The following BAP1 variants were observed in gnomAD, a reference collection of about 807,000 sequenced individuals.
The protein encoded by BAP1 is ubiquitin carboxyl-terminal hydrolase BAP1.
BAP1 carries 16 observed loss-of-function variants against 77.2 expected under a neutral mutation model. The ratio of observed to expected loss-of-function variants is 0.21; its 90% CI spans 0.14 to 0.31. The LOEUF is 0.31. BAP1 is among the 10% of genes least tolerant of loss of function. The pLI is 1.00. For missense variants in BAP1, 699 were observed against 967.3 expected (o/e 0.72, Z 3.68); for synonymous variants, 362 against 385.2 (o/e 0.94, Z 0.71).
In BAP1 at chr3:52,406,409, C is replaced by T. The variant is rs2153227526; in HGVS notation, c.660-33G>A. On this transcript the variant is annotated intron_variant, in intron 8 of 16. Transcript: ENST00000460680. This position sits in a 1 kb window ranked among gnomAD's most constrained non-coding sequence, Gnocchi z 4.6. The stretch of plus-strand genomic sequence containing the variant: ...CACAGCCGCAGCCGTGAGAGCAGCT[C>T]CCGCCCCGGCCCCGCCATCAGGTTG... 7 of 1,610,556 alleles carry T rather than the reference C, an allele frequency of 4.3e-6. No individual in the cohort carries two copies. The highest frequency in any genetic ancestry group is 5.1e-6 in the Non-Finnish European group (6 of 1,179,874).
At position 52,402,889 on chromosome 3, in the gene BAP1, T is replaced by C. The variant is rs1047061800; in HGVS notation, c.1891-18A>G. 1 of 1,614,034 alleles carries C rather than the reference T, an allele frequency of 6.2e-7. No homozygotes were observed. The highest frequency in any genetic ancestry group is 8.5e-7 in the Non-Finnish European group (1 of 1,180,016). The stretch of plus-strand genomic sequence containing the variant: ...AGCAGCTCCTGCCAAAACCCAGCAT[T>C]GCACCTCTGATCGGGGCGGGCCAGC... On this transcript the variant is annotated intron_variant, in intron 14 of 16. Coordinates refer to ENST00000460680, the MANE Select transcript of BAP1 (RefSeq NM_004656.4). This position sits in a 1 kb window ranked among gnomAD's most constrained non-coding sequence, Gnocchi z 5.3.
At chr3:52,408,386 T>C (rs2153228220) in intron 4 of BAP1, 88 bp downstream of exon 4, 1 of 1,550,948 alleles carries the variant, frequency 6.4e-7, no homozygotes, top group Non-Finnish European at 8.8e-7. Flanking sequence ...TCTGCCTATC[T>C]CCTCCTCCTG....
rs2153226268 is a variant in BAP1, at chr3:52,402,755, C to T, written c.1983+24G>A. ...CAGTGGACCTCGGGAGAGGCCAGAT[C>T]AGGCAACTGGAGAAATCACCCACCT... On this transcript the variant is annotated intron_variant, in intron 15 of 16. Transcript: ENST00000460680. The surrounding 1 kb of genome is among the most constrained non-coding windows in gnomAD (Gnocchi z 5.3). The T allele has an allele frequency of 6.2e-7, 1 of 1,614,216 alleles. No individual in the cohort carries two copies. Among genetic ancestry groups the T allele is most frequent in the South Asian group, 1.1e-5 (1 of 91,070 alleles).
At position 52,402,091 on chromosome 3, in the gene BAP1, G is replaced by T; in HGVS notation, c.*197C>A. On this transcript the variant is annotated 3_prime_UTR_variant, in exon 17 of 17. Coordinates refer to ENST00000460680, the MANE Select transcript of BAP1 (RefSeq NM_004656.4). The surrounding 1 kb of genome is among the most constrained non-coding windows in gnomAD (Gnocchi z 5.3). ...CCCAACTCCAGATGCTGCCTCCTGA[G>T]CACTATGGGGCTGATCTGCCGTGTC... The T allele has an allele frequency of 1.1e-6, 1 of 923,990 alleles. No individual in the cohort carries two copies. Among genetic ancestry groups the T allele is most frequent in the South Asian group, 1.7e-5 (1 of 58,010 alleles). 57.2% of individuals were successfully genotyped at this position (923,990 alleles called of 1,614,324 possible).
Position 52,402,525 on chromosome 3 carries a change from A to G in BAP1, c.2056+77T>C. The G allele has an allele frequency of 6.2e-7, 1 of 1,611,614 alleles. No individual in the cohort carries two copies. The highest frequency in any genetic ancestry group is 8.5e-7 in the Non-Finnish European group (1 of 1,178,402). ...CCCCAAGGTCTGCTCAAGCCTCAGG[A>G]GAGGCCAGGGGAGGGGAGCTGAAGG... On this transcript the variant is annotated intron_variant, in intron 16 of 16. Coordinates refer to ENST00000460680, the MANE Select transcript of BAP1 (RefSeq NM_004656.4). The surrounding 1 kb of genome is among the most constrained non-coding windows in gnomAD (Gnocchi z 5.3).
chr3:52,407,591 A>G (rs1705208457), intron 5 of BAP1, 131 bp from the exon 6 acceptor site: 1 of 1,295,488 alleles, frequency 7.7e-7, no homozygotes, highest in African/African-American at 1.5e-5. Context: ...AACTTTCTTA[A>G]AAGGCTGGTG....
Position 52,409,892 on chromosome 3 carries a change from G to A in BAP1, c.-14C>T. On this transcript the variant is annotated 5_prime_UTR_variant, in exon 1 of 17. Coordinates refer to ENST00000460680, the MANE Select transcript of BAP1 (RefSeq NM_004656.4). ...GCCCTTATTCATCTTCCCGCGGGGC[G>A]GCCCCTCAGCGCCATGTCCAGGCCC... 4 of 1,605,454 alleles carry A rather than the reference G, an allele frequency of 2.5e-6. No homozygotes were observed. Among genetic ancestry groups the A allele is most frequent in the East Asian group, 4.5e-5 (2 of 44,854 alleles).
chr3:52,404,475 GCACGTCATCCTC>G lies in BAP1; in HGVS notation c.1216_1227del (p.Glu406_Val409del), dbSNP rs747249873. The G allele has an allele frequency of 6.2e-7, 1 of 1,614,208 alleles. No individual in the cohort carries two copies. The highest frequency in any genetic ancestry group is 1.7e-5 in the Admixed American group (1 of 60,020). On this transcript the variant is annotated inframe_deletion, in exon 12 of 17. Coordinates refer to ENST00000460680, the MANE Select transcript of BAP1 (RefSeq NM_004656.4). Reference sequence around the variant, plus strand: ...GACCTAAGGGCAGAGTTGGTGTTCTGCACGTCATCCTCCTCGTCATCCTCATAGTCATCCTCA... The same window carrying G: ...GACCTAAGGGCAGAGTTGGTGTTCTGCTCGTCATCCTCATAGTCATCCTCA...
chr3:52,404,270 C>G (rs913850971), intron 12 of BAP1, among the ~76,000 whole-genome samples, 183 bp downstream of exon 12: 2 of 152,244 alleles, frequency 1.3e-5, no homozygotes, highest in African/African-American at 4.8e-5. Context: ...GCCTTACCCC[C>G]CAGCCCACCA....
chr3:52,408,816 A>C (rs1705251175), intron 3 of BAP1, among the ~76,000 whole-genome samples: 1 of 152,212 alleles, frequency 6.6e-6, no homozygotes, highest in African/African-American at 2.4e-5. Context: ...AGCAAAGCAT[A>C]AGCCTCTGAC....
intron 11 of BAP1, among the ~76,000 whole-genome samples, chr3:52,404,863 T>A (rs564123701): frequency 6.6e-6 from 1 of 152,160 alleles, no homozygotes; most frequent in African/African-American, 2.4e-5. Context: ...CCAAGGAGCG[T>A]GACCTAAACA....
intron 5 of BAP1, 65 bp downstream of exon 5, chr3:52,407,893 C>T: frequency 6.2e-7 from 1 of 1,608,842 alleles, no homozygotes; most frequent in Non-Finnish European, 8.5e-7. Context: ...GTAGCATTCC[C>T]AGTGGCCCTC....
Position 52,403,823 on chromosome 3 carries a change from T to C in BAP1, c.1322A>G (p.Gln441Arg), listed in dbSNP as rs769038290. The C allele has an allele frequency of 6.2e-7, 1 of 1,614,128 alleles. No homozygotes were observed. Among genetic ancestry groups the C allele is most frequent in the Admixed American group, 1.7e-5 (1 of 60,024 alleles). The change falls in exon 13 of 17, where the codon CAG (glutamine) becomes CGG (arginine). Residue 441 changes from glutamine (Q) to arginine (R), a missense_variant. Gln to Arg is a conservative substitution (Grantham distance 43). Around this residue, in one of 3 missense-constraint regions of BAP1, gnomAD observed 475 missense variants for 532.4 expected, o/e 0.89. Transcript: ENST00000460680. This position sits in a 1 kb window ranked among gnomAD's most constrained non-coding sequence, Gnocchi z 4.0. ...GSADGQLSVL[Q>R]PNTINVLAEK... ...AGCCAAGACGTTGATGGTGTTGGGC[T>C]GCAGCACTGACAGTTGCCCATCAGC...
At position 52,408,541 on chromosome 3, in the gene BAP1, G is replaced by A. The variant is rs747311942; in HGVS notation, c.188C>T (p.Ser63Phe). 2 of 1,612,004 alleles carry A rather than the reference G, an allele frequency of 1.2e-6. No homozygotes were observed. The highest frequency in any genetic ancestry group is 2.2e-5 in the South Asian group (2 of 90,460). ...CACGGACGTATCATCCACCAAGGTA[G>A]AGACCTTTCGCCGGGACCGGCGCTC... ...IEERRSRRKVSTLVDDTSVID... is the reference protein window; with the variant it reads ...IEERRSRRKVFTLVDDTSVID... The change falls in exon 4 of 17, where the codon TCT becomes TTT. Residue 63 changes from serine (S) to phenylalanine (F), a missense_variant. Coordinates refer to ENST00000460680, the MANE Select transcript of BAP1 (RefSeq NM_004656.4).
At position 52,403,981 on chromosome 3, in the gene BAP1, C is replaced by T; in HGVS notation, c.1251-87G>A. ...CCAGAATGGCTTAAATACATCCCGACCTCCAGGGGCTGACCCTAAAACTCC... is the reference window on the plus strand; with the variant it reads ...CCAGAATGGCTTAAATACATCCCGATCTCCAGGGGCTGACCCTAAAACTCC... On this transcript the variant is annotated intron_variant, in intron 12 of 16. Transcript: ENST00000460680. The surrounding 1 kb of genome is among the most constrained non-coding windows in gnomAD (Gnocchi z 4.0). 1.5e-6 allele frequency: 2 copies of T among 1,372,000 alleles called. No individual in the cohort carries two copies. Among genetic ancestry groups the T allele is most frequent in the Non-Finnish European group, 2.1e-6 (2 of 973,942 alleles). The allele number at this position is 1,372,000 out of a possible 1,614,324, so 85.0% of individuals were successfully genotyped here. A position where few individuals can be genotyped will look rare whatever the true frequency, so the allele number is the denominator to read the frequency against.
At chr3:52,408,397 T>A in intron 4 of BAP1, 77 bp downstream of exon 4, 1 of 1,570,262 alleles carries the variant, frequency 6.4e-7, no homozygotes, top group Non-Finnish European at 8.7e-7. Context: ...CCTCCTCCTG[T>A]CTTCCTCCAT....
At position 52,408,022 on chromosome 3, in the gene BAP1, C is replaced by T. The variant is rs1559591204; in HGVS notation, c.311G>A (p.Ser104Asn). Residue 104 changes from serine to asparagine, a missense_variant, in exon 5 of 17, where the codon AGC becomes AAC. Physicochemically the swap from Ser to Asn is conservative, Grantham distance 46 (BLOSUM62 1). Coordinates refer to ENST00000460680, the MANE Select transcript of BAP1 (RefSeq NM_004656.4). ...CAGGGTGGGTCCCAGGTCCACGCTG[C>T]TGCAGTTCAGGAGCACGCTCAGCAA... ...HALLSVLLNC[S>N]SVDLGPTLSR... 1 of 1,613,830 alleles carries T rather than the reference C, an allele frequency of 6.2e-7. No individual in the cohort carries two copies.
Position 52,406,005 on chromosome 3 carries a change from CT to C in BAP1, c.784-94del. ...GCTGAGGACCTAAAGGAATAATGGCCTTGGCTCTACCCATTCACTCACAGGG... is the reference window on the plus strand; with the variant it reads ...GCTGAGGACCTAAAGGAATAATGGCCTGGCTCTACCCATTCACTCACAGGG... On this transcript the variant is annotated intron_variant, in intron 9 of 16. Transcript: ENST00000460680. The surrounding 1 kb of genome is among the most constrained non-coding windows in gnomAD (Gnocchi z 4.6). The C allele has an allele frequency of 6.4e-7, 1 of 1,574,782 alleles. No individual in the cohort carries two copies. The highest frequency in any genetic ancestry group is 2.2e-5 in the East Asian group (1 of 44,602).
rs1340480790 is a variant in BAP1, at chr3:52,402,732, G to A, written c.1983+47C>T. 6.2e-7 allele frequency: 1 copy of A among 1,613,958 alleles called. No homozygotes were observed. The highest frequency in any genetic ancestry group is 1.7e-5 in the Admixed American group (1 of 60,006). On this transcript the variant is annotated intron_variant, in intron 15 of 16. Coordinates refer to ENST00000460680, the MANE Select transcript of BAP1 (RefSeq NM_004656.4). The surrounding 1 kb of genome is among the most constrained non-coding windows in gnomAD (Gnocchi z 5.3). The stretch of plus-strand genomic sequence containing the variant: ...GCCAATCTTGCCAGAGCAGCCACCA[G>A]TGGACCTCGGGAGAGGCCAGATCAG...
Sources: gnomAD v4.1 joint callset for allele counts (sites outside exome capture counted in the v4.1 genomes callset) on GRCh38, gnomAD v4.1.1 for gene constraint, gnomAD v4.1.1 regional missense constraint, Gnocchi (gnomAD v3.1) non-coding constraint, MANE v1.5 for transcripts, NCBI Gene and HGNC (gene_info 2026-07-23, HGNC 2026-07-21) for gene names.